Variants in GALK1 observed in about 807,000 individuals in gnomAD.
The protein encoded by GALK1 is galactokinase.
In GALK1, 30 loss-of-function variants were observed where a neutral mutation model predicts 38.6. The observed-to-expected ratio is 0.78, with a 90% CI of 0.58 to 1.05. The LOEUF (loss-of-function observed/expected upper bound fraction) is 1.05, where lower values mean the gene tolerates loss of function less well. GALK1 is among the 50% of genes least tolerant of loss of function. The pLI is 0.00. For synonymous variants in GALK1, 240 were observed against 233.6 expected (o/e 1.03, Z -0.25); for missense variants, 512 against 540.5 (o/e 0.95, Z 0.52).
downstream of GALK1, chr17:75,754,725 C>T (rs760181482): frequency 8.1e-6 from 13 of 1,614,154 alleles, no homozygotes; most frequent in East Asian, 2.2e-5. Flanking sequence ...CACCCTCACA[C>T]GGGACTACAA....
downstream of GALK1, among the ~76,000 whole-genome samples, chr17:75,755,367 C>T (rs1466639153): frequency 6.6e-6 from 1 of 152,198 alleles, no homozygotes; most frequent in Admixed American, 6.5e-5. Context: ...GCCCTACCAT[C>T]AGTGCTGATG....
In GALK1 at chr17:75,764,154, C is replaced by T. The variant is rs75132716; in HGVS notation, c.166-68G>A. 392 of 1,419,320 alleles carry T rather than the reference C, an allele frequency of 2.8e-4. 3 individuals are homozygous for T. The East Asian group carries it at 6.5e-3, about 23-fold the overall frequency. 87.9% of individuals were successfully genotyped at this position (1,419,320 alleles called of 1,614,324 possible). A position where few individuals can be genotyped will look rare whatever the true frequency, so the allele number is the denominator to read the frequency against. Reference sequence around the variant, plus strand: ...GAGTAAGCCTCTCCAATGACACTGCCTCCAGCCGAGGTTCTGATGCCTCCA... The same window carrying T: ...GAGTAAGCCTCTCCAATGACACTGCTTCCAGCCGAGGTTCTGATGCCTCCA... On this transcript the variant is annotated intron_variant, in intron 1 of 7. Coordinates refer to ENST00000588479, the MANE Select transcript of GALK1 (RefSeq NM_000154.2).
In GALK1 at chr17:75,752,069, C is replaced by T. The variant is rs915301260; in HGVS notation, c.*23-332G>A. Reference sequence around the variant, plus strand: ...CTGGCTTTGCCTTGCTTCCCCAGCCCCTGGGTGCCATCCAGGGGATGCACG... The same window carrying T: ...CTGGCTTTGCCTTGCTTCCCCAGCCTCTGGGTGCCATCCAGGGGATGCACG... On this transcript the variant is annotated intron_variant, in intron 8 of 8. Transcript: ENST00000225614. The T allele has an allele frequency of 4.7e-6, 6 of 1,269,042 alleles. No individual in the cohort carries two copies. In the African/African-American group the frequency reaches 7.3e-5, roughly 16 times the overall value. 78.6% of individuals were successfully genotyped at this position (1,269,042 alleles called of 1,614,324 possible). A position where few individuals can be genotyped will look rare whatever the true frequency, so the allele number is the denominator to read the frequency against.
At chr17:75,757,407 C>G (rs1375340162), downstream of GALK1, 3 of 1,613,132 alleles carry the variant, frequency 1.9e-6, no homozygotes, top group Non-Finnish European at 2.5e-6. Context: ...AATGCCTCCT[C>G]CTCCACAGAT....
downstream of GALK1, chr17:75,753,734 G>GCCAACGC (rs2061421665): frequency 7.3e-7 from 1 of 1,362,856 alleles, no homozygotes; most frequent in East Asian, 2.8e-5. Context: ...GCCCCCCGGC[G>GCCAACGC]GTGCCAACGC....
chr17:75,757,495 G>T (rs767092159), downstream of GALK1: 4 of 1,613,082 alleles, frequency 2.5e-6, no homozygotes, highest in Non-Finnish European at 3.4e-6. Flanking sequence ...TTGTGAGCCG[G>T]ACACTGACCA....
chr17:75,752,540 A>T, intron 8 of GALK1: 1 of 1,613,642 alleles, frequency 6.2e-7, no homozygotes, highest in Non-Finnish European at 8.5e-7. Context: ...TACGCTCTCC[A>T]TCGGGCAGCC....
Position 75,758,580 on chromosome 17 carries a change from G to A in GALK1, c.813C>T (p.Ser271=). The A allele has an allele frequency of 6.3e-7, 1 of 1,596,502 alleles. No individual in the cohort carries two copies. The highest frequency in any genetic ancestry group is 8.5e-7 in the Non-Finnish European group (1 of 1,177,848). ...GCCGGGCCCGCCGGAAGCCCTCTTT[G>A]CTCACCAGGTCCCTGGCAGCTGGGG... ...EELEAARDLV[S]KEGFRRARHV... Residue 271 remains serine, a synonymous_variant, in exon 6 of 8, where the codon AGC becomes AGT. Transcript: ENST00000588479.
chr17:75,758,273 G>A lies in GALK1; in HGVS notation c.1044C>T (p.Phe348=), dbSNP rs372653001. The part of the protein sequence containing the change: ...VYGSRMTGGG[F]GGCTVTLLEA... ...CCAGCAGTGTCACCGTGCAGCCACC[G>A]AAGCCACCGCCCGTCATGCGGCTGC... Residue 348 remains phenylalanine (F), a synonymous_variant, in exon 7 of 8, where the codon TTC becomes TTT. Transcript: ENST00000588479. The A allele has an allele frequency of 6.1e-5, 97 of 1,593,846 alleles. No homozygotes were observed. The highest frequency in any genetic ancestry group is 1.8e-4 in the Admixed American group (10 of 56,488).
chr17:75,754,345 T>C (rs2061437380), downstream of GALK1: 1 of 609,610 alleles, frequency 1.6e-6, no homozygotes, highest in African/African-American at 1.8e-5. Context: ...TCAGCAGTGC[T>C]CACACCGATA....
downstream of GALK1, among the ~76,000 whole-genome samples, chr17:75,756,041 C>T (rs2143521943): frequency 6.6e-6 from 1 of 152,342 alleles, no homozygotes; most frequent in East Asian, 1.9e-4. Context: ...TCTGAGGTCT[C>T]ACCCACCTCC....
chr17:75,754,821 T>A (rs761607224), downstream of GALK1: 6 of 1,613,844 alleles, frequency 3.7e-6, no homozygotes, highest in Non-Finnish European at 4.2e-6. Flanking sequence ...CCACGGTGAG[T>A]GACCTCAGCC....
downstream of GALK1, chr17:75,753,716 G>C: frequency 5.5e-6 from 7 of 1,278,626 alleles, no homozygotes; most frequent in Non-Finnish European, 7.0e-6. Context: ...GGCCCTGCTC[G>C]GCCCGGCGCC....
At chr17:75,751,853 G>A in intron 8 of GALK1, 1 of 435,372 alleles carries the variant, frequency 2.3e-6, no homozygotes, top group Non-Finnish European at 4.3e-6. Context: ...GGCAGGGTGG[G>A]CAACCCCTAT....
chr17:75,756,441 G>A (rs146044025), downstream of GALK1: 66 of 1,613,166 alleles, frequency 4.1e-5, 1 homozygote, highest in African/African-American at 4.3e-4. Context: ...GAGCTGCATC[G>A]GCTCAACATC....
intron 5 of GALK1, among the ~76,000 whole-genome samples, chr17:75,762,057 G>A (rs1252597240): frequency 6.6e-6 from 1 of 152,172 alleles, no homozygotes; most frequent in Non-Finnish European, 1.5e-5. Context: ...GGGCGCAGTG[G>A]CTCATGCCTA....
chr17:75,756,691 C>T, downstream of GALK1: 1 of 1,613,504 alleles, frequency 6.2e-7, no homozygotes, highest in South Asian at 1.1e-5. Flanking sequence ...TGCTCTTCCT[C>T]TACTGCCCCC....
rs369461189 is a variant in GALK1, at chr17:75,752,165, C to T, written c.*23-428G>A. On this transcript the variant is annotated intron_variant, in intron 8 of 8. Coordinates refer to the GALK1 transcript ENST00000225614. ...TGGGTGACCCTCTGAAGCACTCTCT[C>T]TGCCCCAGGACCTATTGGGCCCATG... 1.2e-4 allele frequency: 199 copies of T among 1,613,778 alleles called. No individual in the cohort carries two copies. The highest frequency in any genetic ancestry group is 1.6e-4 in the Non-Finnish European group (190 of 1,179,968).
chr17:75,762,618 G>A (rs1599335068), intron 5 of GALK1, 86 bp downstream of exon 5: 5 of 1,414,362 alleles, frequency 3.5e-6, no homozygotes, highest in South Asian at 1.2e-5. Context: ...CCTGGAGATC[G>A]GGGTCCCAGG....
Sources: gnomAD v4.1 joint callset for allele counts (sites outside exome capture counted in the v4.1 genomes callset) on GRCh38, gnomAD v4.1.1 for gene constraint, MANE v1.5 for transcripts, NCBI Gene and HGNC (gene_info 2026-07-23, HGNC 2026-07-21) for gene names.